ERBB4: variants seen among roughly 807,000 people sequenced by gnomAD.
ERBB4 encodes the protein erb-b2 receptor tyrosine kinase 4, also known as receptor tyrosine-protein kinase erbB-4.
Under a neutral mutation model 158.0 loss-of-function variants are expected in ERBB4, and 42 were observed. The ratio of observed to expected loss-of-function variants is 0.27; its 90% CI spans 0.21 to 0.34. ERBB4 has a LOEUF of 0.34. ERBB4 is among the 10% of genes least tolerant of loss of function. The pLI is 1.00. For synonymous variants in ERBB4, 583 were observed against 558.7 expected (o/e 1.04, Z -0.61); for missense variants, 1,333 against 1,624.1 (o/e 0.82, Z 3.08).
chr2:211,667,127 T>G (rs1176648036), intron 14 of ERBB4, among the ~76,000 whole-genome samples: 1 of 150,774 alleles, frequency 6.6e-6, no homozygotes, highest in African/African-American at 2.4e-5. Context: ...AAACTCATAG[T>G]GTTTTAAGAA....
chr2:211,776,800 A>G (rs924739275), intron 4 of ERBB4, among the ~76,000 whole-genome samples: 17 of 152,190 alleles, frequency 1.1e-4, no homozygotes, highest in African/African-American at 3.9e-4. Flanking sequence ...ATATTGGGGC[A>G]GTGCTTTCAG....
chr2:212,395,526 AAG>A (rs1349541469), intron 1 of ERBB4, among the ~76,000 whole-genome samples: 1 of 151,814 alleles, frequency 6.6e-6, no homozygotes, highest in East Asian at 1.9e-4. Context: ...ATGCTAAGGA[AAG>A]AGCATACCTT....
At chr2:212,462,621 C>A (rs1417717272) in intron 1 of ERBB4, among the ~76,000 whole-genome samples, 1 of 151,592 alleles carries the variant, frequency 6.6e-6, no homozygotes, top group Non-Finnish European at 1.5e-5. Context: ...GACAGGGATG[C>A]CAAAAAAGGA....
intron 2 of ERBB4, among the ~76,000 whole-genome samples, chr2:212,065,254 T>C (rs960522613): frequency 1.3e-5 from 2 of 152,036 alleles, no homozygotes; most frequent in East Asian, 3.8e-4. Flanking sequence ...CTAGTATGAA[T>C]AGAAAATTAT....
rs971480085 is a variant in ERBB4 at position 212,322,974 on chromosome 2, A to T, written c.83-198071T>A. 7.0e-4 allele frequency among the ~76,000 whole-genome samples: 105 copies of T among 150,606 alleles called. 2 individuals carry two copies. The highest frequency in any genetic ancestry group is 2.4e-3 in the African/African-American group (101 of 41,402). On this transcript the variant is annotated intron_variant, in intron 1 of 27. Transcript: ENST00000342788. ...CATTCTTGAAATCAGTACTTAAAAA[A>T]AAATAGGGAGCTGATTGCTTGATTG... is the stretch of plus-strand genomic sequence containing the variant.
intron 3 of ERBB4, among the ~76,000 whole-genome samples, chr2:211,857,638 T>C (rs1379368686): frequency 6.6e-6 from 1 of 152,216 alleles, no homozygotes; most frequent in African/African-American, 2.4e-5. Flanking sequence ...AGCCTCAGCA[T>C]ATTCTGGGAA....
intron 1 of ERBB4, among the ~76,000 whole-genome samples, chr2:212,390,305 G>C (rs898794369): frequency 1.3e-5 from 2 of 151,716 alleles, no homozygotes; most frequent in Admixed American, 6.6e-5. Context: ...TATTATTAAA[G>C]AGTATGTAAA....
chr2:212,147,305 T>C (rs16847786), intron 1 of ERBB4, among the ~76,000 whole-genome samples: 3,797 of 151,456 alleles, frequency 0.025, 155 homozygotes, highest in African/African-American at 0.086. Flanking sequence ...GTGCCCTGTC[T>C]TTACACTTTC....
At chr2:212,006,393 C>T (rs1329924463) in intron 2 of ERBB4, among the ~76,000 whole-genome samples, 3 of 152,164 alleles carry the variant, frequency 2.0e-5, no homozygotes, top group African/African-American at 7.2e-5. Context: ...TTCACCTCAA[C>T]GTTCTTAAAT....
rs576331277 is a variant in ERBB4, at chr2:211,414,868, T to G, written c.3135+5573A>C. On this transcript the variant is annotated intron_variant, in intron 25 of 27. Coordinates refer to ENST00000342788, the MANE Select transcript of ERBB4 (RefSeq NM_005235.3). The stretch of plus-strand genomic sequence containing the variant: ...GTAAGTTACGTAAACTGTCCATAGC[T>G]CAATTATTTTTTTAAACTCTTAAAA... Among the ~76,000 whole-genome samples the G allele has an allele frequency of 6.6e-5, 10 of 152,200 alleles. No individual in the cohort carries two copies. The South Asian group carries it at 1.9e-3, about 28-fold the overall frequency.
intron 3 of ERBB4, among the ~76,000 whole-genome samples, chr2:211,862,369 C>T (rs1420851448): frequency 6.6e-6 from 1 of 151,896 alleles, no homozygotes; most frequent in African/African-American, 2.4e-5. Context: ...AGTTTTTACA[C>T]TATATTTTTA....
intron 5 of ERBB4, among the ~76,000 whole-genome samples, chr2:211,741,519 A>C (rs2074797215): frequency 6.7e-6 from 1 of 149,706 alleles, no homozygotes; most frequent in South Asian, 2.1e-4. Flanking sequence ...GAGAGAGAGA[A>C]AGATAAGAGA....
intron 2 of ERBB4, among the ~76,000 whole-genome samples, chr2:212,105,613 T>C (rs1188735151): frequency 6.6e-6 from 1 of 152,226 alleles, no homozygotes; most frequent in Admixed American, 6.5e-5. Flanking sequence ...GAAAAATGTT[T>C]CAATAAAATT....
chr2:211,401,232 T>C (rs1174355765), intron 25 of ERBB4, among the ~76,000 whole-genome samples: 1 of 151,974 alleles, frequency 6.6e-6, no homozygotes, highest in Non-Finnish European at 1.5e-5. Context: ...CTAAAATAAA[T>C]GAACTGAATG....
intron 2 of ERBB4, among the ~76,000 whole-genome samples, chr2:212,044,474 A>G (rs770961573): frequency 1.3e-5 from 2 of 152,144 alleles, no homozygotes; most frequent in Non-Finnish European, 2.9e-5. Context: ...CAGATTTCGT[A>G]TCAGAGTTAC....
chr2:211,747,193 C>T (rs1024041493), intron 5 of ERBB4, among the ~76,000 whole-genome samples: 1 of 152,106 alleles, frequency 6.6e-6, no homozygotes, highest in Admixed American at 6.5e-5. Flanking sequence ...CAATTATCCA[C>T]CCATATTACA....
intron 3 of ERBB4, among the ~76,000 whole-genome samples, chr2:211,826,165 T>G (rs962548424): frequency 1.3e-5 from 2 of 151,554 alleles, no homozygotes; most frequent in African/African-American, 2.4e-5. Context: ...CAAAAACATT[T>G]TGAAATGAAG....
chr2:211,429,831 G>A (rs1233343177), intron 21 of ERBB4, among the ~76,000 whole-genome samples: 1 of 152,182 alleles, frequency 6.6e-6, no homozygotes, highest in Non-Finnish European at 1.5e-5. Flanking sequence ...CAGGTAGCTT[G>A]ATAAAGACTT....
intron 1 of ERBB4, among the ~76,000 whole-genome samples, chr2:212,342,065 C>A (rs1485555097): frequency 6.6e-6 from 1 of 152,048 alleles, no homozygotes; most frequent in Non-Finnish European, 1.5e-5. Context: ...TGGAGACCAA[C>A]CTGGGCAACA....
Sources: allele counts gnomAD v4.1 joint callset (sites outside exome capture counted in the v4.1 genomes callset), GRCh38; gene constraint gnomAD v4.1.1; transcripts MANE v1.5; gene names NCBI Gene and HGNC (gene_info 2026-07-23, HGNC 2026-07-21).